Variants in LRRC40 observed in about 807,000 individuals in gnomAD.
LRRC40 encodes the protein leucine rich repeat containing 40.
A neutral mutation model predicts 72.8 loss-of-function variants in LRRC40; 76 were observed. That is an observed-to-expected ratio of 1.04 (90% CI 0.87 to 1.26). The LOEUF (loss-of-function observed/expected upper bound fraction) is 1.26. LRRC40 is among the 50% of genes most tolerant of loss of function. LRRC40 has a pLI of 0.00. For missense variants in LRRC40, 684 were observed against 698.9 expected (o/e 0.98, Z 0.24); for synonymous variants, 243 against 254.2 (o/e 0.96, Z 0.42).
chr1:70,180,484 ATT>A (rs987741883), intron 5 of LRRC40: 18 of 152,314 alleles, frequency 1.2e-4, no homozygotes, highest in African/African-American at 4.3e-4. Context: ...ATCACTAATG[ATT>A]TTAGACTCTT....
At chr1:70,149,812 A>G (rs1667422411) in intron 13 of LRRC40, among the ~76,000 whole-genome samples, 1 of 152,256 alleles carries the variant, frequency 6.6e-6, no homozygotes, top group African/African-American at 2.4e-5. Context: ...GAGGAATAAT[A>G]ATAGTACTAA....
At position 70,187,343 on chromosome 1, in the gene LRRC40, A is replaced by G. The variant is rs1014640091; in HGVS notation, c.334-5T>C. 2.1e-6 allele frequency: 3 copies of G among 1,414,142 alleles called. No homozygotes were observed. Among genetic ancestry groups the G allele is most frequent in the Middle Eastern group, 1.8e-4 (1 of 5,668 alleles). The allele number at this position is 1,414,142 out of a possible 1,614,324, so 87.6% of individuals were successfully genotyped here. A position where few individuals can be genotyped will look rare whatever the true frequency, so the allele number is the denominator to read the frequency against. Reference sequence around the variant, plus strand: ...TGTCAACTGATTATCATGTATCTAAAAGTTTTTAAAAGACAAAGTCAATAT... The same window carrying G: ...TGTCAACTGATTATCATGTATCTAAGAGTTTTTAAAAGACAAAGTCAATAT... On this transcript the variant is annotated splice_region_variant and splice_polypyrimidine_tract_variant and intron_variant, in intron 2 of 14. Coordinates refer to ENST00000370952, the MANE Select transcript of LRRC40 (RefSeq NM_017768.5).
chr1:70,181,809 A>G (rs1184556689), intron 4 of LRRC40, among the ~76,000 whole-genome samples: 1 of 151,932 alleles, frequency 6.6e-6, no homozygotes, highest in Non-Finnish European at 1.5e-5. Context: ...TAATCGCTAT[A>G]CCTCCTGTTT....
chr1:70,168,848 A>T (rs181797237), intron 9 of LRRC40, among the ~76,000 whole-genome samples: 41 of 152,358 alleles, frequency 2.7e-4, no homozygotes, highest in Admixed American at 2.7e-3. Flanking sequence ...CAAAAGAGAA[A>T]TCATAAAATA....
At chr1:70,146,368 T>C (rs997704044) in intron 14 of LRRC40, among the ~76,000 whole-genome samples, 5 of 152,174 alleles carry the variant, frequency 3.3e-5, no homozygotes, top group Admixed American at 2.0e-4. Context: ...ATTAGAATTA[T>C]AACTAATTAA....
chr1:70,169,006 G>GA (rs891714232), intron 9 of LRRC40, among the ~76,000 whole-genome samples: 3 of 151,954 alleles, frequency 2.0e-5, no homozygotes, highest in Non-Finnish European at 4.4e-5. Flanking sequence ...TAAGATACTA[G>GA]AAAAAAAGAA....
At position 70,145,184 on chromosome 1, in the gene LRRC40, A is replaced by G. The variant is rs923212910; in HGVS notation, c.*616T>C. The G allele has an allele frequency of 1.3e-5, 2 of 152,214 alleles. No homozygotes were observed. Among genetic ancestry groups the G allele is most frequent in the African/African-American group, 4.8e-5 (2 of 41,460 alleles). The allele number at this position is 152,214 out of a possible 1,614,324, so 9.4% of individuals were successfully genotyped here. ...TGTGTACTGAGATTAGCCATATCAC[A>G]AAAGTCCTATCATGGGTAATGAAAA... On this transcript the variant is annotated 3_prime_UTR_variant, in exon 15 of 15. Transcript: ENST00000370952.
intron 9 of LRRC40, among the ~76,000 whole-genome samples, chr1:70,163,674 AG>A (rs1349329142): frequency 6.6e-6 from 1 of 152,222 alleles, no homozygotes. Flanking sequence ...CACAGGTTTC[AG>A]GGATTAGGGT....
At chr1:70,186,402 A>G (rs1668360348) in intron 3 of LRRC40, among the ~76,000 whole-genome samples, 1 of 152,130 alleles carries the variant, frequency 6.6e-6, no homozygotes, top group Non-Finnish European at 1.5e-5. Context: ...AGTTCTAAAT[A>G]ATTAGCACCT....
intron 6 of LRRC40, among the ~76,000 whole-genome samples, chr1:70,177,900 C>G (rs1668144632): frequency 6.6e-6 from 1 of 152,190 alleles, no homozygotes; most frequent in Admixed American, 6.5e-5. Context: ...GCCTACTCAA[C>G]ACGAGGACAA....
intron 9 of LRRC40, among the ~76,000 whole-genome samples, chr1:70,171,928 C>G (rs1479014001): frequency 6.6e-6 from 1 of 152,036 alleles, no homozygotes; most frequent in Non-Finnish European, 1.5e-5. Context: ...TCTGTAATAG[C>G]CAAAAGGTCT....
At chr1:70,160,662 G>A (rs1266189910) in intron 9 of LRRC40, among the ~76,000 whole-genome samples, 2 of 152,030 alleles carry the variant, frequency 1.3e-5, no homozygotes, top group Non-Finnish European at 2.9e-5. Flanking sequence ...GTATAATGAG[G>A]TAGGGTATTC....
At chr1:70,204,731 T>A (rs1023219556) in intron 1 of LRRC40, among the ~76,000 whole-genome samples, 2 of 129,932 alleles carry the variant, frequency 1.5e-5, no homozygotes, top group Non-Finnish European at 3.2e-5. Context: ...CCTCTCTCTC[T>A]TACACACACA....
intron 1 of LRRC40, among the ~76,000 whole-genome samples, chr1:70,202,878 A>G (rs934690785): frequency 2.0e-5 from 3 of 152,042 alleles, no homozygotes; most frequent in Admixed American, 6.6e-5. Flanking sequence ...GGGGAAAGGT[A>G]ATTTTTGTTA....
intron 14 of LRRC40, among the ~76,000 whole-genome samples, chr1:70,146,272 G>A (rs544354720): frequency 5.3e-5 from 8 of 152,016 alleles, no homozygotes; most frequent in East Asian, 3.9e-4. Flanking sequence ...TAATCTGCCC[G>A]CCTCAGCCTC....
intron 11 of LRRC40, among the ~76,000 whole-genome samples, chr1:70,155,130 TTAAC>T: frequency 6.6e-6 from 1 of 152,130 alleles, no homozygotes; most frequent in Non-Finnish European, 1.5e-5. Flanking sequence ...TTTGCTGTAA[TTAAC>T]AACAAAAAAT....
chr1:70,181,212 T>C lies in LRRC40; in HGVS notation c.538-3A>G, dbSNP rs751633766. ...GTAAGATGATTGTTTGAAAGATCCT[T>C]TAAAAAGAGAAAGACAAAATAAATG... On this transcript the variant is annotated splice_polypyrimidine_tract_variant and splice_region_variant and intron_variant, in intron 4 of 14. Transcript: ENST00000370952. 62 of 1,517,586 alleles carry C rather than the reference T, an allele frequency of 4.1e-5. No individual in the cohort carries two copies. The highest frequency in any genetic ancestry group is 5.2e-5 in the Non-Finnish European group (59 of 1,134,112). 94.0% of individuals were successfully genotyped at this position (1,517,586 alleles called of 1,614,324 possible). A position where few individuals can be genotyped will look rare whatever the true frequency, so the allele number is the denominator to read the frequency against.
In LRRC40 at chr1:70,189,128, A is replaced by C; in HGVS notation, c.297T>G (p.Asp99Glu). The change falls in exon 2 of 15, where the codon GAT becomes GAG. Residue 99 changes from aspartate (D) to glutamate (E), a missense_variant. By Grantham distance (45) the Asp-to-Glu change is conservative. Transcript: ENST00000370952. ...ISNNKLQSLT[D>E]DLRLLPALTV... ...TCAGTGCAGGCAAGAGTCGCAGGTC[A>C]TCTGTAAGTGACTGAAGTTTATTGT... 1.9e-6 allele frequency: 3 copies of C among 1,613,892 alleles called. No individual in the cohort carries two copies. The highest frequency in any genetic ancestry group is 2.5e-6 in the Non-Finnish European group (3 of 1,179,954).
chr1:70,169,390 C>T (rs1408431760), intron 9 of LRRC40, among the ~76,000 whole-genome samples: 1 of 152,004 alleles, frequency 6.6e-6, no homozygotes, highest in African/African-American at 2.4e-5. Flanking sequence ...GAACGCTGGC[C>T]CCAGTCAGTC....
Sources: allele counts gnomAD v4.1 joint callset (sites outside exome capture counted in the v4.1 genomes callset), GRCh38; gene constraint gnomAD v4.1.1; transcripts MANE v1.5; gene names NCBI Gene and HGNC (gene_info 2026-07-23, HGNC 2026-07-21).